The following IQCC variants were observed in gnomAD, a reference collection of about 807,000 sequenced individuals.
IQCC encodes the protein IQ domain-containing protein C.
Under a neutral mutation model 27.0 loss-of-function variants are expected in IQCC, and 23 were observed. The ratio of observed to expected loss-of-function variants is 0.85; its 90% confidence interval spans 0.61 to 1.21. The LOEUF is 1.21. IQCC is among the 50% of genes most tolerant of loss of function. The pLI, the probability that IQCC is intolerant of heterozygous loss-of-function variation, is 0.00. For missense variants in IQCC, 552 were observed against 562.3 expected (o/e 0.98, Z 0.19); for synonymous variants, 220 against 217.2 (o/e 1.01, Z -0.11).
rs776060309 is a variant in IQCC, at chr1:32,207,697, G to T, written c.1016G>T (p.Arg339Met). 9 of 1,613,924 alleles carry T rather than the reference G, an allele frequency of 5.6e-6. No homozygotes were observed. ...KPRNHCPRKSRTQLSALYEDS... is the reference protein window; with the variant it reads ...KPRNHCPRKSMTQLSALYEDS... ...AGGAACCATTGTCCCAGGAAGTCCA[G>T]GACACAGCTGTCTGCACTCTATGAG... is the stretch of plus-strand genomic sequence containing the variant. The change falls in exon 5 of 5, where the codon AGG becomes ATG. Residue 339 changes from arginine to methionine, a missense_variant. By Grantham distance (91) the Arg-to-Met change is moderately conservative. Coordinates refer to ENST00000291358, the MANE Select transcript of IQCC (RefSeq NM_018134.3).
At position 32,205,974 on chromosome 1, in the gene IQCC, G is replaced by C. The variant is rs572301473; in HGVS notation, c.43-180G>C. On this transcript the variant is annotated intron_variant, in intron 1 of 4. Transcript: ENST00000291358. This position sits in a 1 kb window ranked among gnomAD's most constrained non-coding sequence, Gnocchi z 5.6. ...GGGAAGAGCCTTAAGGCGAGGAGGG[G>C]CATCCAGTCTGGCATCGTCCCTCGA... 2 of 1,556,582 alleles carry C rather than the reference G, an allele frequency of 1.3e-6. No homozygotes were observed. The highest frequency in any genetic ancestry group is 3.9e-5 in the Admixed American group (2 of 51,462).
chr1:32,206,447 A>G (rs1332913255), intron 2 of IQCC, 62 bp from the exon 3 acceptor site: 7 of 1,608,292 alleles, frequency 4.4e-6, no homozygotes, highest in South Asian at 2.2e-5. Flanking sequence ...CTGCTAGATC[A>G]TGGTGCCCAG....
At position 32,206,164 on chromosome 1, in the gene IQCC, G is replaced by A. The variant is rs1172030450; in HGVS notation, c.53G>A (p.Arg18Gln). The change falls in exon 2 of 5, where the codon CGG becomes CAG. Residue 18 changes from arginine (R) to glutamine (Q), a missense_variant. Coordinates refer to ENST00000291358, the MANE Select transcript of IQCC (RefSeq NM_018134.3). ...CGTTCTCCATACCAGGCCTGCGTCC[G>A]GGGCTTCTTGGTCCGACGCCAGTTC... ...RKVSALQACV[R>Q]GFLVRRQFQS... The A allele has an allele frequency of 6.2e-7, 1 of 1,613,634 alleles. No homozygotes were observed. Among genetic ancestry groups the A allele is most frequent in the African/African-American group, 1.3e-5 (1 of 74,870 alleles).
rs1427042650 is a variant in IQCC, at chr1:32,207,873, T to C, written c.1192T>C (p.Trp398Arg). The change falls in exon 5 of 5, where the codon TGG becomes CGG. Residue 398 changes from tryptophan (W) to arginine (R), a missense_variant. Coordinates refer to ENST00000291358, the MANE Select transcript of IQCC (RefSeq NM_018134.3). The part of the protein sequence containing the change: ...GGPEHSVLDL[W>R]RTKPPKGQAP... ...GCCAGAGCATAGTGTCCTCGATCTC[T>C]GGAGGACTAAACCACCCAAAGGCCA... 4 of 1,613,980 alleles carry C rather than the reference T, an allele frequency of 2.5e-6. No individual in the cohort carries two copies. The African/African-American group carries it at 5.3e-5, about 22-fold the overall frequency.
rs749395077 is a variant in IQCC, at chr1:32,207,661, G to C, written c.980G>C (p.Gly327Ala). Residue 327 changes from glycine (G) to alanine (A), a missense_variant, in exon 5 of 5, where the codon GGT becomes GCT. Gly to Ala is a moderately conservative substitution (Grantham distance 60). Transcript: ENST00000291358. Reference sequence around the variant, plus strand: ...ATCCTGGAGGACCAGACCCCCAGAGGTTTAAAACCTAGGAACCATTGTCCC... The same window carrying C: ...ATCCTGGAGGACCAGACCCCCAGAGCTTTAAAACCTAGGAACCATTGTCCC... ...MKILEDQTPR[G>A]LKPRNHCPRK... The C allele has an allele frequency of 1.9e-6, 3 of 1,614,064 alleles. No individual in the cohort carries two copies. The Admixed American group carries it at 5.0e-5, about 27-fold the overall frequency.
In IQCC at chr1:32,207,648, C is replaced by T. The variant is rs779839965; in HGVS notation, c.967C>T (p.Gln323Ter). ...CLLQMKILEDQTPRGLKPRNH... is the reference protein window; with the variant it reads ...CLLQMKILED Reference sequence around the variant, plus strand: ...GCTGCAGATGAAAATCCTGGAGGACCAGACCCCCAGAGGTTTAAAACCTAG... The same window carrying T: ...GCTGCAGATGAAAATCCTGGAGGACTAGACCCCCAGAGGTTTAAAACCTAG... Residue 323 changes from glutamine to a stop codon, truncating the protein, a stop_gained, in exon 5 of 5, where the codon CAG (glutamine) becomes TAG (stop). Transcript: ENST00000291358. LOFTEE classifies it low-confidence loss of function (END_TRUNC). 21 of 1,613,854 alleles carry T rather than the reference C, an allele frequency of 1.3e-5. No individual in the cohort carries two copies. The highest frequency in any genetic ancestry group is 1.4e-5 in the Non-Finnish European group (17 of 1,180,002).
At position 32,205,969 on chromosome 1, in the gene IQCC, G is replaced by A; in HGVS notation, c.43-185G>A. 1 of 1,555,850 alleles carries A rather than the reference G, an allele frequency of 6.4e-7. No individual in the cohort carries two copies. The highest frequency in any genetic ancestry group is 8.7e-7 in the Non-Finnish European group (1 of 1,149,186). On this transcript the variant is annotated intron_variant, in intron 1 of 4. Transcript: ENST00000291358. The surrounding 1 kb of genome is among the most constrained non-coding windows in gnomAD (Gnocchi z 5.6). Reference sequence around the variant, plus strand: ...GAAACGGGAAGAGCCTTAAGGCGAGGAGGGGCATCCAGTCTGGCATCGTCC... The same window carrying A: ...GAAACGGGAAGAGCCTTAAGGCGAGAAGGGGCATCCAGTCTGGCATCGTCC...
chr1:32,207,209 T>C (rs1218685533), intron 4 of IQCC, 31 bp from the exon 5 acceptor site: 1 of 1,611,750 alleles, frequency 6.2e-7, no homozygotes, highest in Non-Finnish European at 8.5e-7. Flanking sequence ...GCAGGCCTGC[T>C]TGGTACAATG....
In IQCC at chr1:32,205,764, G is replaced by C; in HGVS notation, c.42+41G>C. The C allele has an allele frequency of 6.2e-7, 1 of 1,607,052 alleles. No homozygotes were observed. On this transcript the variant is annotated intron_variant, in intron 1 of 4. Transcript: ENST00000291358. This position sits in a 1 kb window ranked among gnomAD's most constrained non-coding sequence, Gnocchi z 5.6. ...CGGGGTTCACAGGATTTTTCCTTTA[G>C]GGAAATCATGGGGTCTCGTACCTGG...
At position 32,207,966 on chromosome 1, in the gene IQCC, C is replaced by T. The variant is rs1643427506; in HGVS notation, c.1285C>T (p.Gln429Ter). Residue 429 changes from glutamine to a stop codon, truncating the protein, a stop_gained, in exon 5 of 5, where the codon CAG becomes TAG. Transcript: ENST00000291358. LOFTEE classifies it low-confidence loss of function (END_TRUNC). Reference sequence around the variant, plus strand: ...GCCTAGTCATGAAGGACAGAAAAAGCAGAGGACTATACCATGGAGATCAAA... The same window carrying T: ...GCCTAGTCATGAAGGACAGAAAAAGTAGAGGACTATACCATGGAGATCAAA... ...NEPSHEGQKK[Q>*]RTIPWRSKSP... is the part of the protein sequence containing the mutation. The T allele has an allele frequency of 6.2e-7, 1 of 1,614,176 alleles. No homozygotes were observed. The highest frequency in any genetic ancestry group is 1.1e-5 in the South Asian group (1 of 91,084).
At position 32,205,744 on chromosome 1, in the gene IQCC, T is replaced by C. The variant is rs1569690747; in HGVS notation, c.42+21T>C. The C allele has an allele frequency of 1.9e-6, 3 of 1,610,724 alleles. No homozygotes were observed. Among genetic ancestry groups the C allele is most frequent in the Non-Finnish European group, 2.5e-6 (3 of 1,179,294 alleles). On this transcript the variant is annotated intron_variant, in intron 1 of 4. Coordinates refer to ENST00000291358, the MANE Select transcript of IQCC (RefSeq NM_018134.3). This position sits in a 1 kb window ranked among gnomAD's most constrained non-coding sequence, Gnocchi z 5.6. ...TGCAGGTGCGGGGGCGGGCGCGGGG[T>C]TCACAGGATTTTTCCTTTAGGGAAA...
chr1:32,206,114 C>A (rs1424034352), intron 1 of IQCC, 40 bp from the exon 2 acceptor site: 3 of 1,613,862 alleles, frequency 1.9e-6, no homozygotes. Flanking sequence ...CCCTCTCTTA[C>A]CGTGATAAGG....
At chr1:32,206,071 G>C in intron 1 of IQCC, 83 bp from the exon 2 acceptor site, 1 of 1,603,042 alleles carries the variant, frequency 6.2e-7, no homozygotes, top group Admixed American at 1.7e-5. Flanking sequence ...CATTCGCCGG[G>C]ACGACCTCTT....
Position 32,207,629 on chromosome 1 carries a change from G to C in IQCC, c.948G>C (p.Gln316His). Reference sequence around the variant, plus strand: ...CCTTTGGAGGGACCTGCCTGCTGCAGATGAAAATCCTGGAGGACCAGACCC... The same window carrying C: ...CCTTTGGAGGGACCTGCCTGCTGCACATGAAAATCCTGGAGGACCAGACCC... ...RQTFGGTCLL[Q>H]MKILEDQTPR... Residue 316 changes from glutamine (Q) to histidine (H), a missense_variant, in exon 5 of 5, where the codon CAG becomes CAC. By Grantham distance (24) the Gln-to-His change is conservative. Coordinates refer to ENST00000291358, the MANE Select transcript of IQCC (RefSeq NM_018134.3). 1 of 1,613,984 alleles carries C rather than the reference G, an allele frequency of 6.2e-7. No homozygotes were observed. The highest frequency in any genetic ancestry group is 8.5e-7 in the Non-Finnish European group (1 of 1,179,994).
chr1:32,206,433 T>C (rs947203388), intron 2 of IQCC, 76 bp from the exon 3 acceptor site: 3 of 1,605,354 alleles, frequency 1.9e-6, no homozygotes, highest in Non-Finnish European at 2.6e-6. Flanking sequence ...CCTCACCAAC[T>C]TGTCTGCTAG....
chr1:32,206,082 C>T (rs1643323453), intron 1 of IQCC, 72 bp from the exon 2 acceptor site: 10 of 1,610,466 alleles, frequency 6.2e-6, no homozygotes, highest in Admixed American at 1.7e-5. Flanking sequence ...ACGACCTCTT[C>T]AGGACAGTCC....
At position 32,207,974 on chromosome 1, in the gene IQCC, TA is replaced by T; in HGVS notation, c.1294del (p.Ile432TyrfsTer38). The T allele has an allele frequency of 6.2e-7, 1 of 1,614,174 alleles. No homozygotes were observed. The highest frequency in any genetic ancestry group is 8.5e-7 in the Non-Finnish European group (1 of 1,180,024). On this transcript the variant is annotated frameshift_variant, in exon 5 of 5. Transcript: ENST00000291358. LOFTEE classifies it low-confidence loss of function (END_TRUNC). Reference sequence around the variant, plus strand: ...ATGAAGGACAGAAAAAGCAGAGGACTATACCATGGAGATCAAAGTCACCTGA... The same window carrying T: ...ATGAAGGACAGAAAAAGCAGAGGACTTACCATGGAGATCAAAGTCACCTGA... ...SHEGQKKQRT[I>X]PWRSKSPEIL...
rs1569722365 is a variant in IQCC at position 32,208,541 on chromosome 1, T to C, written c.*459T>C. On this transcript the variant is annotated 3_prime_UTR_variant, in exon 5 of 5. Transcript: ENST00000291358. ...ATCGCTTGAACCCAGGAGATGGAGA[T>C]TGCAGTAGGCCAAGATGATGCCACT... 5.9e-6 allele frequency: 1 copy of C among 170,476 alleles called. No individual in the cohort carries two copies. Among genetic ancestry groups the C allele is most frequent in the Admixed American group, 5.5e-5 (1 of 18,218 alleles). 10.6% of individuals were successfully genotyped at this position (170,476 alleles called of 1,614,324 possible).
At position 32,207,866 on chromosome 1, in the gene IQCC, C is replaced by G. The variant is rs538795732; in HGVS notation, c.1185C>G (p.Leu395=). 2 of 1,613,964 alleles carry G rather than the reference C, an allele frequency of 1.2e-6. No individual in the cohort carries two copies. The highest frequency in any genetic ancestry group is 1.7e-5 in the Admixed American group (1 of 59,996). The change falls in exon 5 of 5, where the codon CTC becomes CTG. Residue 395 remains leucine, a synonymous_variant. Coordinates refer to ENST00000291358, the MANE Select transcript of IQCC (RefSeq NM_018134.3). The part of the protein sequence containing the change: ...GTLGGPEHSV[L]DLWRTKPPKG... ...TGGGGGGGCCAGAGCATAGTGTCCTCGATCTCTGGAGGACTAAACCACCCA... is the reference window on the plus strand; with the variant it reads ...TGGGGGGGCCAGAGCATAGTGTCCTGGATCTCTGGAGGACTAAACCACCCA...
Sources: allele counts gnomAD v4.1 joint callset, GRCh38; gene constraint gnomAD v4.1.1; non-coding constraint Gnocchi (gnomAD v3.1); transcripts MANE v1.5; gene names NCBI Gene and HGNC (gene_info 2026-07-23, HGNC 2026-07-21).